The following RBFOX1 variants were observed in gnomAD, a reference collection of about 807,000 sequenced individuals.
RBFOX1 encodes the protein RNA binding fox-1 homolog 1, also known as RNA binding protein fox-1 homolog 1.
A neutral mutation model predicts 57.7 loss-of-function variants in RBFOX1; 8 were observed. The observed-to-expected ratio is 0.14, with a 90% CI of 0.08 to 0.25. RBFOX1 has a LOEUF of 0.25. RBFOX1 is among the 10% of genes least tolerant of loss of function. The pLI is 1.00. For missense variants in RBFOX1, 611 were observed against 548.5 expected, an observed-to-expected ratio of 1.11 and a Z score of -1.14; for synonymous variants, 326 against 222.4, an observed-to-expected ratio of 1.47 and a Z score of -4.15.
chr16:6,633,465 AT>A (rs1036703384), intron 2 of RBFOX1, among the ~76,000 whole-genome samples: 1 of 151,428 alleles, frequency 6.6e-6, no homozygotes, highest in African/African-American at 2.4e-5. Context: ...TATTATTATT[AT>A]TTTTTTTAGT....
chr16:7,236,975 A>C (rs777576176), intron 4 of RBFOX1, among the ~76,000 whole-genome samples: 23 of 152,226 alleles, frequency 1.5e-4, no homozygotes, highest in Non-Finnish European at 2.8e-4. Context: ...TAACTAGGAT[A>C]AGCTGGCTTT....
intron 1 of RBFOX1, among the ~76,000 whole-genome samples, chr16:5,408,028 C>T (rs536976955): frequency 2.5e-4 from 38 of 152,314 alleles, no homozygotes; most frequent in African/African-American, 8.9e-4. Context: ...CCTGTGTGGC[C>T]CCTGCTGAGG....
In RBFOX1 at chr16:5,640,551, C is replaced by T. The variant is rs548531025; in HGVS notation, c.318+41590C>T. Among the ~76,000 whole-genome samples the T allele has an allele frequency of 5.9e-5, 9 of 151,310 alleles. No homozygotes were observed. In the South Asian group the frequency reaches 1.7e-3, roughly 28 times the overall value. ...GCACATACACACATGCACATACATG[C>T]ATGCCATGCATACATATGCACACAC... is the stretch of plus-strand genomic sequence containing the variant. On this transcript the variant is annotated intron_variant, in intron 3 of 19. Coordinates refer to the RBFOX1 transcript ENST00000641259.
intron 4 of RBFOX1, among the ~76,000 whole-genome samples, chr16:7,287,682 C>G (rs2095676979): frequency 7.0e-6 from 1 of 143,306 alleles, no homozygotes; most frequent in Admixed American, 7.4e-5. Context: ...TAAAAGTCGC[C>G]TCTCAACACC....
intron 4 of RBFOX1, among the ~76,000 whole-genome samples, chr16:7,344,864 G>A (rs1162034270): frequency 6.6e-6 from 1 of 152,190 alleles, no homozygotes; most frequent in Non-Finnish European, 1.5e-5. Context: ...AAATGGCCAT[G>A]TCTCTTGCCC....
At chr16:5,956,629 G>C (rs2059643947) in intron 4 of RBFOX1, among the ~76,000 whole-genome samples, 1 of 135,560 alleles carries the variant, frequency 7.4e-6, no homozygotes, top group Non-Finnish European at 1.5e-5. Context: ...TAAATTCTTA[G>C]CAAAAAACAA....
intron 4 of RBFOX1, among the ~76,000 whole-genome samples, chr16:7,453,933 A>G (rs2057942988): frequency 6.6e-6 from 1 of 152,068 alleles, no homozygotes; most frequent in Non-Finnish European, 1.5e-5. Context: ...TGGTAGGGGG[A>G]TTAAGAAAGC....
intron 1 of RBFOX1, among the ~76,000 whole-genome samples, chr16:5,255,645 C>T (rs1451651026): frequency 6.6e-6 from 1 of 151,802 alleles, no homozygotes; most frequent in Non-Finnish European, 1.5e-5. Context: ...TTCACCGACT[C>T]AACCATCCAT....
chr16:6,988,387 G>C (rs2090749470), intron 3 of RBFOX1, among the ~76,000 whole-genome samples: 1 of 152,082 alleles, frequency 6.6e-6, no homozygotes. Context: ...TATTGAGTGA[G>C]TTAAGATATA....
intron 4 of RBFOX1, among the ~76,000 whole-genome samples, chr16:5,983,577 G>A (rs895047650): frequency 1.3e-5 from 2 of 152,164 alleles, no homozygotes; most frequent in African/African-American, 4.8e-5. Context: ...AGCACCCTGG[G>A]CAGGAGGATG....
At chr16:6,663,872 T>A (rs76912614) in intron 3 of RBFOX1, among the ~76,000 whole-genome samples, 2,510 of 152,282 alleles carry the variant, frequency 0.016, 44 homozygotes, top group African/African-American at 0.053. Flanking sequence ...ATGGCATGAC[T>A]AAGGAACTGA....
intron 3 of RBFOX1, among the ~76,000 whole-genome samples, chr16:6,753,373 T>C (rs774519067): frequency 2.6e-5 from 4 of 152,226 alleles, no homozygotes; most frequent in Admixed American, 2.0e-4. Context: ...TGAATAGTCA[T>C]ATAGTCAACA....
At chr16:7,264,353 C>T (rs570962505) in intron 4 of RBFOX1, among the ~76,000 whole-genome samples, 1 of 152,218 alleles carries the variant, frequency 6.6e-6, no homozygotes, top group Non-Finnish European at 1.5e-5. Context: ...CCTCCAAGAT[C>T]TTATGAGAAA....
chr16:6,082,347 ATTTTTTTTTTTTTTTT>A (rs71142677), intron 1 of RBFOX1, among the ~76,000 whole-genome samples: 1 of 41,024 alleles, frequency 2.4e-5, no homozygotes, highest in Non-Finnish European at 4.5e-5. Flanking sequence ...CACCTGGCTA[ATTTTTTTTTTTTTTTT>A]TTTTTTTTTT....
At chr16:7,290,876 G>A (rs539947343) in intron 4 of RBFOX1, among the ~76,000 whole-genome samples, 71 of 152,206 alleles carry the variant, frequency 4.7e-4, no homozygotes, top group South Asian at 1.7e-3. Flanking sequence ...TAGTATTATC[G>A]GTATGTACCC....
intron 3 of RBFOX1, among the ~76,000 whole-genome samples, chr16:6,819,240 C>G (rs574550326): frequency 5.9e-4 from 90 of 152,280 alleles, no homozygotes; most frequent in Non-Finnish European, 1.2e-3. Context: ...GGTTGGCAAT[C>G]CTGCATCATT....
intron 3 of RBFOX1, among the ~76,000 whole-genome samples, chr16:5,840,042 C>T (rs1329864286): frequency 6.6e-6 from 1 of 152,140 alleles, no homozygotes; most frequent in Non-Finnish European, 1.5e-5. Flanking sequence ...AAGTAGTGAC[C>T]AAGGCACTCA....
chr16:7,377,050 AGGT>A (rs1209403973), intron 4 of RBFOX1, among the ~76,000 whole-genome samples: 1 of 152,230 alleles, frequency 6.6e-6, no homozygotes, highest in Non-Finnish European at 1.5e-5. Flanking sequence ...AACTGATGGA[AGGT>A]ATAAATGTTT....
intron 4 of RBFOX1, among the ~76,000 whole-genome samples, chr16:7,259,647 A>T (rs769404064): frequency 6.6e-6 from 1 of 152,214 alleles, no homozygotes; most frequent in East Asian, 1.9e-4. Flanking sequence ...AAACAAGCCT[A>T]TAGCTTTTGA....
Sources: gnomAD v4.1 joint callset for allele counts (sites outside exome capture counted in the v4.1 genomes callset) on GRCh38, gnomAD v4.1.1 for gene constraint, MANE v1.5 for transcripts, NCBI Gene and HGNC (gene_info 2026-07-23, HGNC 2026-07-21) for gene names.